Variants in LRP1B observed in about 807,000 individuals in gnomAD.
The protein encoded by LRP1B is LDL receptor related protein 1B.
In LRP1B, 217 loss-of-function variants were observed where a neutral mutation model predicts 556.6. The observed-to-expected ratio is 0.39, with a 90% confidence interval of 0.35 to 0.44. LRP1B has a LOEUF of 0.44. Among genes scored for constraint, LRP1B ranks in the 20% least tolerant of loss-of-function variants. LRP1B has a pLI of 1.00. For missense variants in LRP1B, 5,053 were observed against 5,620.8 expected (o/e 0.90, Z 3.23); for synonymous variants, 2,047 against 1,865.8 (o/e 1.10, Z -2.50).
intron 66 of LRP1B, among the ~76,000 whole-genome samples, chr2:140,418,264 TTC>T (rs1442938745): frequency 1.3e-5 from 2 of 152,204 alleles, no homozygotes; most frequent in African/African-American, 4.8e-5. Flanking sequence ...AACCAGGACT[TTC>T]TTTCTCCCAC....
chr2:142,104,555 G>C (rs1237431401), intron 1 of LRP1B, among the ~76,000 whole-genome samples: 1 of 152,024 alleles, frequency 6.6e-6, no homozygotes, highest in African/African-American at 2.4e-5. Flanking sequence ...TATATAAGAT[G>C]GAGATAAGTT....
intron 20 of LRP1B, among the ~76,000 whole-genome samples, chr2:140,946,140 A>G (rs1327785783): frequency 6.6e-6 from 1 of 152,188 alleles, no homozygotes; most frequent in East Asian, 1.9e-4. Flanking sequence ...GCAAATCAAA[A>G]CCACAATGAA....
intron 2 of LRP1B, among the ~76,000 whole-genome samples, chr2:141,705,871 T>C (rs2105469656): frequency 6.6e-6 from 1 of 152,180 alleles, no homozygotes; most frequent in African/African-American, 2.4e-5. Context: ...GACTTTTCTG[T>C]TCCTAAATAG....
rs760588804 is a variant in LRP1B, at chr2:140,346,433, A to G, written c.11892+4364T>C. Reference sequence around the variant, plus strand: ...TTAACATTATCACTTACCTGAGTCAATATTATTATTGAGTACCTGTTTTGT... The same window carrying G: ...TTAACATTATCACTTACCTGAGTCAGTATTATTATTGAGTACCTGTTTTGT... On this transcript the variant is annotated intron_variant, in intron 77 of 90. Transcript: ENST00000389484. Among the ~76,000 whole-genome samples the G allele has an allele frequency of 8.9e-4, 135 of 151,892 alleles. 2 individuals are homozygous for G. Among genetic ancestry groups the G allele is most frequent in the Admixed American group, 6.6e-4 (10 of 15,174 alleles).
intron 31 of LRP1B, among the ~76,000 whole-genome samples, chr2:140,823,954 G>T (rs898307624): frequency 6.6e-6 from 1 of 151,832 alleles, no homozygotes; most frequent in African/African-American, 2.4e-5. Flanking sequence ...GGTGGGAAGA[G>T]GGTAGGAGAG....
chr2:141,771,463 C>G (rs1381641493), intron 2 of LRP1B, among the ~76,000 whole-genome samples: 1 of 152,160 alleles, frequency 6.6e-6, no homozygotes, highest in African/African-American at 2.4e-5. Flanking sequence ...GCATAAAACT[C>G]TTATTCCTAA....
intron 7 of LRP1B, among the ~76,000 whole-genome samples, chr2:141,093,777 C>T (rs1700229161): frequency 1.3e-5 from 2 of 151,882 alleles, no homozygotes; most frequent in African/African-American, 2.4e-5. Context: ...TGCAGTGACG[C>T]AATCTCTGCT....
At chr2:141,816,276 T>C (rs978051758) in intron 1 of LRP1B, among the ~76,000 whole-genome samples, 1 of 152,096 alleles carries the variant, frequency 6.6e-6, no homozygotes, top group African/African-American at 2.4e-5. Flanking sequence ...GATTAACATT[T>C]GAGTCAGTGG....
At chr2:142,121,373 G>T (rs1707452627) in intron 1 of LRP1B, among the ~76,000 whole-genome samples, 1 of 152,104 alleles carries the variant, frequency 6.6e-6, no homozygotes, top group African/African-American at 2.4e-5. Flanking sequence ...GCCTCAATTT[G>T]ATCTGCATGA....
At chr2:140,591,601 G>T (rs1278549874) in intron 43 of LRP1B, among the ~76,000 whole-genome samples, 1 of 152,174 alleles carries the variant, frequency 6.6e-6, no homozygotes, top group African/African-American at 2.4e-5. Context: ...GTGGGGTAAG[G>T]TGGGGATGAT....
At chr2:141,658,285 G>A (rs1388755010) in intron 2 of LRP1B, among the ~76,000 whole-genome samples, 1 of 152,204 alleles carries the variant, frequency 6.6e-6, no homozygotes, top group Admixed American at 6.5e-5. Context: ...GTATCTGACA[G>A]CATTTCAACA....
intron 1 of LRP1B, among the ~76,000 whole-genome samples, chr2:141,854,696 A>G (rs1256864155): frequency 6.6e-6 from 1 of 152,100 alleles, no homozygotes; most frequent in Non-Finnish European, 1.5e-5. Flanking sequence ...ACAATGGCAT[A>G]AAGGGGAAAA....
At chr2:141,517,426 T>C (rs1684365371) in intron 2 of LRP1B, among the ~76,000 whole-genome samples, 1 of 152,214 alleles carries the variant, frequency 6.6e-6, no homozygotes, top group Middle Eastern at 3.4e-3. Flanking sequence ...GTTAGAAGTG[T>C]TGATGGTGTA....
At chr2:141,882,269 T>A (rs1698981225) in intron 1 of LRP1B, among the ~76,000 whole-genome samples, 1 of 152,128 alleles carries the variant, frequency 6.6e-6, no homozygotes, top group Non-Finnish European at 1.5e-5. Context: ...TGATATTGAA[T>A]GTGAGCCTAG....
intron 50 of LRP1B, among the ~76,000 whole-genome samples, chr2:140,516,267 TTAAA>T (rs1689893066): frequency 6.6e-6 from 1 of 151,882 alleles, no homozygotes. Flanking sequence ...AAAAATAAGA[TTAAA>T]TAATAACAAT....
rs1049523203 is a variant in LRP1B, at chr2:142,062,326, G to A, written c.82+68322C>T. Among the ~76,000 whole-genome samples, 77 of 151,948 alleles carry A rather than the reference G, an allele frequency of 5.1e-4. 2 individuals are homozygous for A. The highest frequency in any genetic ancestry group is 4.3e-3 in the Admixed American group (66 of 15,206). On this transcript the variant is annotated intron_variant, in intron 1 of 90. Transcript: ENST00000389484. ...AAAAGTTGCAGCACAAAGTTGTAGT[G>A]AGTTATTGGAGGCAGGAGCATGACC...
chr2:140,975,758 G>C (rs1406427858), intron 18 of LRP1B, among the ~76,000 whole-genome samples: 1 of 152,036 alleles, frequency 6.6e-6, no homozygotes. Context: ...CACATATGCA[G>C]GTTTTTTCTT....
chr2:141,987,549 G>GGTT lies in LRP1B; in HGVS notation c.82+143098_82+143099insAAC, dbSNP rs759066326. ...ACCGGTTGGGATGCTGATTTAAGCT[G>GGTT]TTTTTTTTTTTTTTCTTTCTTTTTT... On this transcript the variant is annotated intron_variant, in intron 1 of 90. Coordinates refer to ENST00000389484, the MANE Select transcript of LRP1B (RefSeq NM_018557.3). 1.3e-4 allele frequency among the ~76,000 whole-genome samples: 18 copies of GGTT among 139,980 alleles called. No individual in the cohort carries two copies. In the East Asian group the frequency reaches 3.1e-3, roughly 24 times the overall value. 91.8% of individuals were successfully genotyped at this position (139,980 alleles called of 152,430 possible). A position where few individuals can be genotyped will look rare whatever the true frequency, so the allele number is the denominator to read the frequency against.
chr2:140,402,193 C>T (rs1188286981), intron 66 of LRP1B, among the ~76,000 whole-genome samples: 1 of 152,192 alleles, frequency 6.6e-6, no homozygotes, highest in African/African-American at 2.4e-5. Flanking sequence ...AGGGAACACC[C>T]CGTGGGACAA....
Sources: gnomAD v4.1 joint callset for allele counts (sites outside exome capture counted in the v4.1 genomes callset) on GRCh38, gnomAD v4.1.1 for gene constraint, MANE v1.5 for transcripts, NCBI Gene and HGNC (gene_info 2026-07-23, HGNC 2026-07-21) for gene names.